SLAMF7: variants seen among roughly 807,000 people sequenced by gnomAD.
SLAMF7 encodes 19A24 protein.
Under a neutral mutation model 34.1 loss-of-function variants are expected in SLAMF7, and 26 were observed. The ratio of observed to expected loss-of-function variants is 0.76; its 90% CI spans 0.56 to 1.06. The LOEUF (loss-of-function observed/expected upper bound fraction) is 1.06. Among genes scored for constraint, SLAMF7 ranks in the 50% least tolerant of loss-of-function variants. The pLI, the probability that SLAMF7 is intolerant of heterozygous loss-of-function variation, is 0.00. For synonymous variants in SLAMF7, 171 were observed against 156.4 expected, an observed-to-expected ratio of 1.09 and a Z score of -0.70; for missense variants, 399 against 402.5, an observed-to-expected ratio of 0.99 and a Z score of 0.07.
intron 2 of SLAMF7, among the ~76,000 whole-genome samples, chr1:160,749,456 G>C (rs1458957576): frequency 1.3e-5 from 2 of 152,160 alleles, no homozygotes; most frequent in Non-Finnish European, 2.9e-5. Flanking sequence ...CTCATAGAGA[G>C]TAAAGGGAAG....
At position 160,751,364 on chromosome 1, in the gene SLAMF7, G is replaced by C. The variant is rs1399063171; in HGVS notation, c.789G>C (p.Lys263Asn). ...TTTTAGAGTACATTGAAGAGAAGAA[G>C]AGAGTGGACATTTGTCGGGAAACTC... ...ERQEEYIEEK[K>N]RVDICRETPN... is the part of the protein sequence containing the mutation. The change falls in exon 5 of 7, where the codon AAG becomes AAC. Residue 263 changes from lysine (K) to asparagine (N), a missense_variant. Coordinates refer to ENST00000368043, the MANE Select transcript of SLAMF7 (RefSeq NM_021181.5). 8 of 1,613,752 alleles carry C rather than the reference G, an allele frequency of 5.0e-6. No homozygotes were observed. The highest frequency in any genetic ancestry group is 6.8e-6 in the Non-Finnish European group (8 of 1,179,786).
rs776553989 is a variant in SLAMF7, at chr1:160,739,339, T to A, written c.38T>A (p.Ile13Asn). Residue 13 changes from isoleucine (I) to asparagine (N), a missense_variant, in exon 1 of 7, where the codon ATC (isoleucine) becomes AAC (asparagine). Coordinates refer to ENST00000368043, the MANE Select transcript of SLAMF7 (RefSeq NM_021181.5). ...GSPTCLTLIY[I>N]LWQLTGSAAS... ...CCAACATGCCTCACCCTCATCTATA[T>A]CCTTTGGCAGCTCACAGGTGAGTCC... 6.2e-7 allele frequency: 1 copy of A among 1,613,710 alleles called. No homozygotes were observed. Among genetic ancestry groups the A allele is most frequent in the Admixed American group, 1.7e-5 (1 of 59,958 alleles).
At chr1:160,747,341 C>T (rs1664213228) in intron 1 of SLAMF7, among the ~76,000 whole-genome samples, 1 of 152,034 alleles carries the variant, frequency 6.6e-6, no homozygotes, top group African/African-American at 2.4e-5. Flanking sequence ...ATTCCTGATC[C>T]GTAAGATAGG....
At chr1:160,749,726 C>T in intron 2 of SLAMF7, 95 bp from the exon 3 acceptor site, 3 of 1,131,192 alleles carry the variant, frequency 2.7e-6, no homozygotes, top group Non-Finnish European at 3.8e-6. Context: ...GTCTGGAGCT[C>T]CCAGGGAGAT....
rs1664303969 is a variant in SLAMF7 at position 160,748,460 on chromosome 1, T to C, written c.322T>C (p.Tyr108His). 6.2e-7 allele frequency: 1 copy of C among 1,613,964 alleles called. No individual in the cohort carries two copies. The highest frequency in any genetic ancestry group is 1.7e-5 in the Admixed American group (1 of 59,994). ...CTCAGGGATCTACTATGTGGGGATATACAGCTCATCACTCCAGCAGCCCTC... is the reference window on the plus strand; with the variant it reads ...CTCAGGGATCTACTATGTGGGGATACACAGCTCATCACTCCAGCAGCCCTC... ...NDSGIYYVGI[Y>H]SSSLQQPSTQ... Residue 108 changes from tyrosine to histidine, a missense_variant, in exon 2 of 7, where the codon TAC becomes CAC. Tyr to His is a moderately conservative substitution (Grantham distance 83). Coordinates refer to ENST00000368043, the MANE Select transcript of SLAMF7 (RefSeq NM_021181.5).
rs1397796532 is a variant in SLAMF7, at chr1:160,752,191, A to G, written c.879A>G (p.Thr293=). 1 of 1,612,636 alleles carries G rather than the reference A, an allele frequency of 6.2e-7. No homozygotes were observed. The highest frequency in any genetic ancestry group is 1.3e-5 in the African/African-American group (1 of 74,856). ...EYDTIPHTNR[T]ILKEDPANTV... is the part of the protein sequence containing the mutation. ...TTGTTGTTTGTTTTTAAAAGAGAACAATCCTAAAGGAAGATCCAGCAAATA... is the reference window on the plus strand; with the variant it reads ...TTGTTGTTTGTTTTTAAAAGAGAACGATCCTAAAGGAAGATCCAGCAAATA... The change falls in exon 6 of 7, where the codon ACA becomes ACG. Residue 293 remains threonine, a synonymous_variant. Transcript: ENST00000368043.
chr1:160,747,821 A>C (rs764505672), intron 1 of SLAMF7, among the ~76,000 whole-genome samples: 17 of 152,238 alleles, frequency 1.1e-4, no homozygotes, highest in Admixed American at 7.9e-4. Context: ...GGTAAGAATA[A>C]GATGACTTAC....
Position 160,754,532 on chromosome 1 carries a change from C to T in SLAMF7, c.*1355C>T, listed in dbSNP as rs1045282121. On this transcript the variant is annotated 3_prime_UTR_variant, in exon 7 of 7. Coordinates refer to ENST00000368043, the MANE Select transcript of SLAMF7 (RefSeq NM_021181.5). ...CCTACCAATACAGAGCTCACCATCT[C>T]TTATACTTAAGTGAAAAACATGGGG... 3.9e-5 allele frequency: 6 copies of T among 152,340 alleles called. No individual in the cohort carries two copies. The highest frequency in any genetic ancestry group is 6.5e-5 in the Admixed American group (1 of 15,282). 9.4% of individuals were successfully genotyped at this position (152,340 alleles called of 1,614,324 possible).
intron 1 of SLAMF7, chr1:160,739,723 A>C: frequency 9.7e-6 from 2 of 206,866 alleles, no homozygotes; most frequent in South Asian, 1.8e-4. Context: ...TTTGAGGGCA[A>C]CTTTAAGAAC....
chr1:160,739,610 G>T (rs1663570377), intron 1 of SLAMF7: 1 of 402,078 alleles, frequency 2.5e-6, no homozygotes, highest in Admixed American at 4.1e-5. Flanking sequence ...GTGGTGCTGG[G>T]TATCAGAGAC....
In SLAMF7 at chr1:160,752,211, C is replaced by T. The variant is rs1201685692; in HGVS notation, c.899C>T (p.Ala300Val). The T allele has an allele frequency of 1.2e-6, 2 of 1,613,258 alleles. No individual in the cohort carries two copies. Among genetic ancestry groups the T allele is most frequent in the Admixed American group, 1.7e-5 (1 of 59,974 alleles). The change falls in exon 6 of 7, where the codon GCA (alanine) becomes GTA (valine). Residue 300 changes from alanine (A) to valine (V), a missense_variant. Transcript: ENST00000368043. The stretch of plus-strand genomic sequence containing the variant: ...AGAACAATCCTAAAGGAAGATCCAG[C>T]AAATACGGTTTACTCCACTGTGGAA... ...TNRTILKEDP[A>V]NTVYSTVEIP...
rs375930573 is a variant in SLAMF7, at chr1:160,749,975, G to C, written c.531G>C (p.Gly177=). ...LGQAANESHN[G]SILPISWRWG... The stretch of plus-strand genomic sequence containing the variant: ...AAGCAGCCAATGAGTCCCATAATGG[G>C]TCCATCCTCCCCATCTCCTGGAGAT... The change falls in exon 3 of 7, where the codon GGG becomes GGC. Residue 177 remains glycine (G), a synonymous_variant. Transcript: ENST00000368043. The C allele has an allele frequency of 1.1e-5, 18 of 1,614,008 alleles. No homozygotes were observed. The highest frequency in any genetic ancestry group is 1.5e-5 in the Non-Finnish European group (18 of 1,179,982).
At chr1:160,748,090 T>G (rs561845967) in intron 1 of SLAMF7, 104 bp from the exon 2 acceptor site, 4 of 1,175,092 alleles carry the variant, frequency 3.4e-6, no homozygotes, top group African/African-American at 1.5e-5. Flanking sequence ...GTTGTTGTGT[T>G]GGACTGAGTG....
chr1:160,749,241 GA>G (rs1230160695), intron 2 of SLAMF7, among the ~76,000 whole-genome samples: 1 of 152,286 alleles, frequency 6.6e-6, no homozygotes, highest in East Asian at 1.9e-4. Flanking sequence ...AGGGGAGGAA[GA>G]AAAAGGGCAA....
In SLAMF7 at chr1:160,740,753, A is replaced by T. The variant is rs150808247; in HGVS notation, c.55+1397A>T. Among the ~76,000 whole-genome samples, 178 of 152,362 alleles carry T rather than the reference A, an allele frequency of 1.2e-3. 1 individual carries two copies. The East Asian group carries it at 0.031, about 27-fold the overall frequency. ...TTATTAAAATAATCACCATTTATTA[A>T]GTTACTACATCGCAGGTGTTTTTCA... On this transcript the variant is annotated intron_variant, in intron 1 of 6. Coordinates refer to ENST00000368043, the MANE Select transcript of SLAMF7 (RefSeq NM_021181.5).
In SLAMF7 at chr1:160,745,161, G is replaced by T. The variant is rs543832238; in HGVS notation, c.56-3033G>T. Among the ~76,000 whole-genome samples, 19 of 152,280 alleles carry T rather than the reference G, an allele frequency of 1.2e-4. No individual in the cohort carries two copies. In the South Asian group the frequency reaches 2.9e-3, roughly 23 times the overall value. On this transcript the variant is annotated intron_variant, in intron 1 of 6. Transcript: ENST00000368043. ...ACTTTGGAGATAAATTTAGCAAAAC[G>T]TTGGCAGAGACTTCAGATCTGTAAG...
chr1:160,743,918 A>G (rs1270746563), intron 1 of SLAMF7, among the ~76,000 whole-genome samples: 2 of 152,136 alleles, frequency 1.3e-5, no homozygotes, highest in African/African-American at 4.8e-5. Flanking sequence ...CAAACTCCTG[A>G]CCTCAAGTGA....
chr1:160,743,567 G>A (rs545194421), intron 1 of SLAMF7, among the ~76,000 whole-genome samples: 10 of 152,338 alleles, frequency 6.6e-5, no homozygotes, highest in African/African-American at 1.7e-4. Flanking sequence ...ATGAGGAAGG[G>A]GTAAAATGGA....
chr1:160,746,026 A>C (rs976863845), intron 1 of SLAMF7, among the ~76,000 whole-genome samples: 2 of 152,208 alleles, frequency 1.3e-5, no homozygotes, highest in Admixed American at 1.3e-4. Flanking sequence ...CATGAGTTAC[A>C]TCAGTACTGG....
Sources: gnomAD v4.1 joint callset for allele counts (sites outside exome capture counted in the v4.1 genomes callset) on GRCh38, gnomAD v4.1.1 for gene constraint, MANE v1.5 for transcripts, NCBI Gene and HGNC (gene_info 2026-07-23, HGNC 2026-07-21) for gene names.